The following SGIP1 variants were observed in gnomAD, a reference collection of about 807,000 sequenced individuals.
The protein encoded by SGIP1 is SH3-containing GRB2-like protein 3-interacting protein 1.
Under a neutral mutation model 107.5 loss-of-function variants are expected in SGIP1, and 38 were observed. The observed-to-expected ratio is 0.35, with a 90% CI of 0.27 to 0.46. SGIP1 has a LOEUF of 0.46. Ranked by LOEUF, SGIP1 falls within the 20% of genes least tolerant of loss-of-function variation. The probability of loss-of-function intolerance (pLI) is 1.00; values close to 1 mark genes in which losing one functional copy is unlikely to be tolerated. For missense variants in SGIP1, 929 were observed against 1,019.5 expected (o/e 0.91, Z 1.21); for synonymous variants, 365 against 366.1 (o/e 1.00, Z 0.03).
chr1:66,534,488 A>C, intron 1 of SGIP1, 120 bp downstream of exon 1: 1 of 1,133,022 alleles, frequency 8.8e-7, no homozygotes, highest in Non-Finnish European at 1.3e-6. Flanking sequence ...ATGTTTTGCA[A>C]GCAGAAATGC....
intron 2 of SGIP1, among the ~76,000 whole-genome samples, chr1:66,626,778 T>C (rs966856324): frequency 6.6e-6 from 1 of 152,268 alleles, no homozygotes; most frequent in African/African-American, 2.4e-5. Context: ...GCAGAACTGA[T>C]GTAGTTTGCT....
At chr1:66,620,734 T>C (rs2070841795) in intron 1 of SGIP1, among the ~76,000 whole-genome samples, 1 of 152,188 alleles carries the variant, frequency 6.6e-6, no homozygotes, top group Admixed American at 6.5e-5. Context: ...CCAAACCATG[T>C]CACATAAGAA....
At chr1:66,706,398 G>T (rs2092513466) in intron 18 of SGIP1, among the ~76,000 whole-genome samples, 1 of 144,224 alleles carries the variant, frequency 6.9e-6, no homozygotes, top group South Asian at 2.1e-4. Context: ...ATATAAAATA[G>T]TTATATATAA....
rs565670644 is a variant in SGIP1 at position 66,577,805 on chromosome 1, A to G, written c.10+43437A>G. On this transcript the variant is annotated intron_variant, in intron 1 of 24. Coordinates refer to ENST00000371037, the MANE Select transcript of SGIP1 (RefSeq NM_032291.4). ...GTGTGTGTGTGTGTGTGTGTGTTGC[A>G]TACCCAAAAAGAAGAGGAGGAGGAA... Among the ~76,000 whole-genome samples the G allele has an allele frequency of 5.7e-5, 8 of 140,100 alleles. No homozygotes were observed. In the East Asian group the frequency reaches 1.4e-3, roughly 24 times the overall value. 91.9% of individuals were successfully genotyped at this position (140,100 alleles called of 152,430 possible).
chr1:66,689,833 T>C (rs1423635282), intron 16 of SGIP1, among the ~76,000 whole-genome samples: 1 of 152,204 alleles, frequency 6.6e-6, no homozygotes, highest in East Asian at 1.9e-4. Context: ...ATGATGTCCA[T>C]AGCATTTGGC....
chr1:66,626,110 C>G, intron 2 of SGIP1, 200 bp downstream of exon 2: 1 of 261,752 alleles, frequency 3.8e-6, no homozygotes, highest in Admixed American at 5.6e-5. Context: ...ATCATGTGTT[C>G]AGTTTTTATC....
At chr1:66,642,768 T>C in intron 5 of SGIP1, 42 bp from the exon 6 acceptor site, 1 of 1,534,970 alleles carries the variant, frequency 6.5e-7, no homozygotes, top group Non-Finnish European at 8.9e-7. Flanking sequence ...TCTTGATCAC[T>C]GTTAGGATAA....
intron 18 of SGIP1, among the ~76,000 whole-genome samples, chr1:66,698,624 C>T (rs1237838863): frequency 3.9e-5 from 6 of 152,010 alleles, no homozygotes; most frequent in African/African-American, 1.2e-4. Flanking sequence ...GTGATCCACC[C>T]GCCTCGGCCT....
intron 22 of SGIP1, among the ~76,000 whole-genome samples, chr1:66,740,102 G>C (rs991909466): frequency 2.0e-5 from 3 of 152,136 alleles, no homozygotes; most frequent in African/African-American, 7.2e-5. Context: ...TTGTACCTAG[G>C]ACCCTAACTG....
intron 7 of SGIP1, among the ~76,000 whole-genome samples, chr1:66,646,322 T>G (rs2077655383): frequency 6.6e-6 from 1 of 152,086 alleles, no homozygotes; most frequent in Admixed American, 6.6e-5. Context: ...AAAAAGGAAA[T>G]AGGGTCTACA....
At chr1:66,737,416 C>G (rs75440574) in intron 21 of SGIP1, among the ~76,000 whole-genome samples, 2,534 of 152,070 alleles carry the variant, frequency 0.017, 80 homozygotes, top group African/African-American at 0.058. Context: ...GCAAGGGCTG[C>G]GCACGGTGGC....
At chr1:66,675,040 T>A (rs7519747) in intron 12 of SGIP1, among the ~76,000 whole-genome samples, 7 of 152,106 alleles carry the variant, frequency 4.6e-5, no homozygotes, top group South Asian at 2.1e-4. Flanking sequence ...GGCCTTGCAG[T>A]GAGGCTATCA....
At chr1:66,600,663 A>T (rs1407997051) in intron 1 of SGIP1, among the ~76,000 whole-genome samples, 1 of 152,174 alleles carries the variant, frequency 6.6e-6, no homozygotes, top group Non-Finnish European at 1.5e-5. Flanking sequence ...GTTGAATGTT[A>T]CTGGACTATG....
chr1:66,605,833 T>C (rs907127157), intron 1 of SGIP1, among the ~76,000 whole-genome samples: 8 of 152,138 alleles, frequency 5.3e-5, no homozygotes, highest in African/African-American at 1.9e-4. Context: ...ATTAGCCGTG[T>C]CTTGAGAGAA....
intron 8 of SGIP1, among the ~76,000 whole-genome samples, chr1:66,661,089 G>C (rs2081375855): frequency 6.6e-6 from 1 of 152,186 alleles, no homozygotes; most frequent in Admixed American, 6.5e-5. Flanking sequence ...ATTTTTAGTA[G>C]CAGTGGGTGA....
chr1:66,554,158 C>T (rs768363421), intron 1 of SGIP1, among the ~76,000 whole-genome samples: 1 of 152,112 alleles, frequency 6.6e-6, no homozygotes, highest in Non-Finnish European at 1.5e-5. Flanking sequence ...CTGGTATTTG[C>T]TTAATGTGTG....
intron 1 of SGIP1, among the ~76,000 whole-genome samples, chr1:66,591,262 C>T (rs1487259851): frequency 1.3e-5 from 2 of 152,134 alleles, no homozygotes; most frequent in African/African-American, 4.8e-5. Flanking sequence ...GTATCTTGAT[C>T]CAATTGTTAA....
At chr1:66,539,588 T>C (rs1365824610) in intron 1 of SGIP1, among the ~76,000 whole-genome samples, 1 of 152,216 alleles carries the variant, frequency 6.6e-6, no homozygotes, top group Non-Finnish European at 1.5e-5. Context: ...TACAAGACCC[T>C]GCATGCTCTG....
intron 1 of SGIP1, among the ~76,000 whole-genome samples, chr1:66,568,109 C>T (rs1295213381): frequency 1.3e-5 from 2 of 152,052 alleles, no homozygotes; most frequent in Non-Finnish European, 2.9e-5. Flanking sequence ...TGGCCATTTT[C>T]ACAATATTGA....
Sources: gnomAD v4.1 joint callset for allele counts (sites outside exome capture counted in the v4.1 genomes callset) on GRCh38, gnomAD v4.1.1 for gene constraint, MANE v1.5 for transcripts, NCBI Gene and HGNC (gene_info 2026-07-23, HGNC 2026-07-21) for gene names.